LCOR: variants seen among roughly 807,000 people sequenced by gnomAD.
LCOR encodes ligand dependent nuclear receptor corepressor.
Under a neutral mutation model 64.4 loss-of-function variants are expected in LCOR, and 14 were observed. The ratio of observed to expected loss-of-function variants is 0.22; its 90% CI spans 0.14 to 0.34. LCOR has a LOEUF of 0.34. Ranked by LOEUF, LCOR falls within the 10% of genes least tolerant of loss-of-function variation. LCOR has a pLI of 1.00. For missense variants in LCOR, 1,686 were observed against 1,765.3 expected (o/e 0.96, Z 0.80); for synonymous variants, 643 against 642.5 (o/e 1.00, Z -0.01).
At chr10:96,860,405 A>AGCCAAGGAAT (rs1306154720) in intron 2 of LCOR, among the ~76,000 whole-genome samples, 2 of 152,220 alleles carry the variant, frequency 1.3e-5, no homozygotes, top group Non-Finnish European at 2.9e-5. Flanking sequence ...CACTGCCACA[A>AGCCAAGGAAT]GCCAAGGAAT....
At chr10:96,901,875 T>A (rs1164255399) in intron 2 of LCOR, among the ~76,000 whole-genome samples, 1 of 152,148 alleles carries the variant, frequency 6.6e-6, no homozygotes, top group East Asian at 1.9e-4. Flanking sequence ...GTTCAAGTGA[T>A]CTTACCACGT....
chr10:96,907,132 A>G (rs1846743115), intron 2 of LCOR, 133 bp from the exon 3 acceptor site: 1 of 172,234 alleles, frequency 5.8e-6, no homozygotes, highest in Non-Finnish European at 1.2e-5. Context: ...CTCTTTTTCT[A>G]AGCATCCCTT....
intron 7 of LCOR, chr10:96,958,007 T>G: frequency 1.0e-6 from 1 of 998,756 alleles, no homozygotes; most frequent in Non-Finnish European, 1.2e-6. Context: ...CATCTGTAAT[T>G]GAAGGAAATC....
intron 7 of LCOR, chr10:96,958,621 G>A (rs1384716327): frequency 1.0e-5 from 6 of 595,260 alleles, no homozygotes; most frequent in African/African-American, 7.4e-5. Flanking sequence ...GAGACCTGAA[G>A]ATTGTAATAT....
intron 2 of LCOR, among the ~76,000 whole-genome samples, chr10:96,857,127 CAG>C (rs974450127): frequency 4.0e-5 from 6 of 151,588 alleles, no homozygotes; most frequent in African/African-American, 1.2e-4. Flanking sequence ...TTGAATCTTG[CAG>C]AGTTAATTTT....
At chr10:96,978,432 T>A (rs1322437268) in intron 7 of LCOR, among the ~76,000 whole-genome samples, 8 of 152,242 alleles carry the variant, frequency 5.3e-5, no homozygotes. Flanking sequence ...TGCTTTCGTC[T>A]TTTCTTTCCT....
intron 2 of LCOR, among the ~76,000 whole-genome samples, chr10:96,888,210 C>T (rs896166149): frequency 6.7e-6 from 1 of 150,150 alleles, no homozygotes; most frequent in Non-Finnish European, 1.5e-5. Flanking sequence ...ACTAAAAATA[C>T]AAAAATTCGC....
At chr10:96,938,218 A>AT (rs1218733178) in intron 4 of LCOR, among the ~76,000 whole-genome samples, 2 of 151,998 alleles carry the variant, frequency 1.3e-5, no homozygotes, top group Non-Finnish European at 2.9e-5. Flanking sequence ...GAGAGCTGGA[A>AT]TTACAGGCAT....
chr10:96,837,460 C>T (rs1021712573), intron 2 of LCOR, among the ~76,000 whole-genome samples: 12 of 151,696 alleles, frequency 7.9e-5, no homozygotes, highest in Middle Eastern at 6.8e-3. Context: ...GGTTCAGCAT[C>T]TTGGCCAGGC....
chr10:96,969,088 T>C (rs746017399), intron 7 of LCOR, among the ~76,000 whole-genome samples: 3 of 152,246 alleles, frequency 2.0e-5, no homozygotes, highest in Non-Finnish European at 4.4e-5. Context: ...TGTAAAATAC[T>C]TAGCACTGTG....
chr10:96,937,210 A>G (rs1190644022), intron 4 of LCOR, among the ~76,000 whole-genome samples: 1 of 152,204 alleles, frequency 6.6e-6, no homozygotes, highest in Non-Finnish European at 1.5e-5. Context: ...TTGGAGTTAC[A>G]CTGCCACAAG....
At chr10:96,849,268 T>C (rs1223049781) in intron 2 of LCOR, among the ~76,000 whole-genome samples, 1 of 151,958 alleles carries the variant, frequency 6.6e-6, no homozygotes, top group Non-Finnish European at 1.5e-5. Context: ...AGAGACAGGG[T>C]TTCACTGTGT....
chr10:96,915,121 C>A (rs2134463205), intron 4 of LCOR, among the ~76,000 whole-genome samples: 1 of 152,300 alleles, frequency 6.6e-6, no homozygotes, highest in East Asian at 1.9e-4. Flanking sequence ...AGGTGTTTTC[C>A]CCACAACAGT....
chr10:96,921,068 C>T (rs764185350), intron 4 of LCOR, among the ~76,000 whole-genome samples: 8 of 151,964 alleles, frequency 5.3e-5, no homozygotes, highest in Non-Finnish European at 1.0e-4. Context: ...TAGGCTCATG[C>T]TGTCCTTCCT....
intron 2 of LCOR, among the ~76,000 whole-genome samples, chr10:96,874,378 A>G (rs1253660018): frequency 6.6e-6 from 1 of 152,136 alleles, no homozygotes; most frequent in Non-Finnish European, 1.5e-5. Flanking sequence ...GACTCCTTAT[A>G]ATCTTCAGGA....
chr10:96,961,043 T>C (rs1487746737), intron 7 of LCOR: 1 of 151,738 alleles, frequency 6.6e-6, no homozygotes, highest in Non-Finnish European at 1.5e-5. Context: ...GAGATTGGGG[T>C]GGGGAGGGTG....
intron 7 of LCOR, among the ~76,000 whole-genome samples, chr10:96,968,483 A>G (rs1313400638): frequency 6.6e-6 from 1 of 152,234 alleles, no homozygotes; most frequent in Non-Finnish European, 1.5e-5. Context: ...TCTTTTGTGA[A>G]GTTAGCCATA....
chr10:96,938,886 CAT>C (rs1406896209), intron 4 of LCOR, among the ~76,000 whole-genome samples: 3 of 152,164 alleles, frequency 2.0e-5, no homozygotes, highest in Admixed American at 6.5e-5. Flanking sequence ...CATGGAAAGA[CAT>C]GTTCATGGAT....
intron 4 of LCOR, among the ~76,000 whole-genome samples, chr10:96,923,224 AT>A (rs1000627655): frequency 6.6e-6 from 1 of 152,200 alleles, no homozygotes; most frequent in African/African-American, 2.4e-5. Flanking sequence ...AGTAGCAGAT[AT>A]GGCTGTAGCT....
Sources: allele counts gnomAD v4.1 joint callset (sites outside exome capture counted in the v4.1 genomes callset), GRCh38; gene constraint gnomAD v4.1.1; transcripts MANE v1.5; gene names NCBI Gene and HGNC (gene_info 2026-07-23, HGNC 2026-07-21).